Variants in CD163L1 observed in about 807,000 individuals in gnomAD.
CD163L1 encodes the protein CD163 molecule like 1, also known as scavenger receptor cysteine-rich type 1 protein M160.
Under a neutral mutation model 165.4 loss-of-function variants are expected in CD163L1, and 124 were observed. The ratio of observed to expected loss-of-function variants is 0.75; its 90% confidence interval spans 0.65 to 0.87. CD163L1 has a LOEUF of 0.87. Ranked by LOEUF, CD163L1 falls within the 40% of genes least tolerant of loss-of-function variation. The probability of loss-of-function intolerance (pLI) is 0.00; values close to 1 mark genes in which losing one functional copy is unlikely to be tolerated. For missense variants in CD163L1, 1,525 were observed against 1,799.9 expected (o/e 0.85, Z 2.76); for synonymous variants, 585 against 662.2 (o/e 0.88, Z 1.79).
chr12:7,349,306 T>C (rs1946692229), intron 4 of CD163L1, among the ~76,000 whole-genome samples: 1 of 152,210 alleles, frequency 6.6e-6, no homozygotes. Context: ...TCTTTTGAAA[T>C]TACTCACATT....
At chr12:7,407,868 G>A (rs1948061754) in intron 4 of CD163L1, among the ~76,000 whole-genome samples, 1 of 151,294 alleles carries the variant, frequency 6.6e-6, no homozygotes, top group African/African-American at 2.4e-5. Flanking sequence ...CAGGGGTGTG[G>A]TTCCCAGACT....
chr12:7,331,003 A>G, the CD163L1 span, among the ~76,000 whole-genome samples: 5 of 152,222 alleles, frequency 3.3e-5, no homozygotes, highest in Admixed American at 1.3e-4. Flanking sequence ...CTCACCCAGG[A>G]AGCAAAAGGG....
rs1015356608 is a variant in CD163L1 at position 7,398,056 on chromosome 12, A to G, written c.1729+208T>C. Among the ~76,000 whole-genome samples the G allele has an allele frequency of 4.6e-5, 7 of 152,148 alleles. No homozygotes were observed. Among genetic ancestry groups the G allele is most frequent in the African/African-American group, 1.7e-4 (7 of 41,434 alleles). ...TATGGTAGGGGAAGGGATCCAAAGG[A>G]TCATAGTCAGGGTTGTCTACTAATT... On this transcript the variant is annotated intron_variant, in intron 7 of 19. Coordinates refer to ENST00000313599, the MANE Select transcript of CD163L1 (RefSeq NM_174941.6). The surrounding 1 kb of genome is among the most constrained non-coding windows in gnomAD (Gnocchi z 4.5).
chr12:7,368,891 C>T lies in CD163L1; in HGVS notation c.4072+42G>A. On this transcript the variant is annotated intron_variant, in intron 16 of 19. Transcript: ENST00000313599. This position sits in a 1 kb window ranked among gnomAD's most constrained non-coding sequence, Gnocchi z 4.3. ...TGCCCTCCCTTGACCTTCCATGTAG[C>T]CTTAGGTATTTGTGTCAGCACTGAT... 6.2e-7 allele frequency: 1 copy of T among 1,606,670 alleles called. No homozygotes were observed. The highest frequency in any genetic ancestry group is 8.5e-7 in the Non-Finnish European group (1 of 1,173,790).
intron 8 of CD163L1, among the ~76,000 whole-genome samples, chr12:7,388,828 A>G (rs1258749722): frequency 6.6e-6 from 1 of 152,180 alleles, no homozygotes; most frequent in Non-Finnish European, 1.5e-5. Flanking sequence ...AGATTTCTCA[A>G]AAAACTAAAA....
chr12:7,433,162 CT>C (rs1948658204), intron 3 of CD163L1, among the ~76,000 whole-genome samples: 1 of 152,130 alleles, frequency 6.6e-6, no homozygotes, highest in Admixed American at 6.5e-5. Flanking sequence ...CTCTCTCTTT[CT>C]CTCTCCATTT....
At chr12:7,350,264 A>G (rs1201453871), downstream of CD163L1, among the ~76,000 whole-genome samples, 1 of 152,200 alleles carries the variant, frequency 6.6e-6, no homozygotes, top group Non-Finnish European at 1.5e-5. Context: ...GAGATTTCCT[A>G]GACCTAAGAT....
At chr12:7,442,461 TC>T in intron 1 of CD163L1, among the ~76,000 whole-genome samples, 1 of 152,284 alleles carries the variant, frequency 6.6e-6, no homozygotes, top group South Asian at 2.1e-4. Flanking sequence ...TAAGAAGTAA[TC>T]CCAAGTGAGT....
At chr12:7,383,627 C>G (rs1028032840) in intron 8 of CD163L1, among the ~76,000 whole-genome samples, 9 of 152,152 alleles carry the variant, frequency 5.9e-5, no homozygotes, top group Non-Finnish European at 1.3e-4. Flanking sequence ...GTCTGGTGTC[C>G]TTATTCCTAG....
intron 8 of CD163L1, among the ~76,000 whole-genome samples, chr12:7,388,579 C>G (rs1419578052): frequency 6.6e-6 from 1 of 151,888 alleles, no homozygotes; most frequent in Non-Finnish European, 1.5e-5. Context: ...CCCATCTCTA[C>G]AAAAAACTAC....
chr12:7,427,401 G>A (rs1039706944), intron 4 of CD163L1, among the ~76,000 whole-genome samples: 4 of 152,052 alleles, frequency 2.6e-5, no homozygotes, highest in Non-Finnish European at 5.9e-5. Flanking sequence ...AATTAATATT[G>A]TTAAAATGTT....
intron 5 of CD163L1, among the ~76,000 whole-genome samples, chr12:7,404,768 CATA>C (rs1947984929): frequency 6.6e-6 from 1 of 152,134 alleles, no homozygotes; most frequent in Non-Finnish European, 1.5e-5. Flanking sequence ...TAATGTAGGT[CATA>C]ATGATAGTTC....
chr12:7,421,486 TATATACATATATGTAC>T lies in CD163L1; in HGVS notation c.766+10914_766+10929del, dbSNP rs1204280842. On this transcript the variant is annotated intron_variant, in intron 4 of 19. Transcript: ENST00000313599. Reference sequence around the variant, plus strand: ...ATACATATATATACATATATGTACATATATACATATATGTACATATACATATACATATATGTACATA... The same window carrying T: ...ATACATATATATACATATATGTACATATATACATATACATATATGTACATA... 7.8e-3 allele frequency among the ~76,000 whole-genome samples: 821 copies of T among 104,828 alleles called. 39 individuals are homozygous for T. Among genetic ancestry groups the T allele is most frequent in the African/African-American group, 0.026 (467 of 17,878 alleles). The allele number at this position is 104,828 out of a possible 152,430, so 68.8% of individuals were successfully genotyped here. A position where few individuals can be genotyped will look rare whatever the true frequency, so the allele number is the denominator to read the frequency against.
chr12:7,336,674 A>G, the CD163L1 span, among the ~76,000 whole-genome samples: 1 of 152,184 alleles, frequency 6.6e-6, no homozygotes, highest in Non-Finnish European at 1.5e-5. Context: ...TAATTAAAAA[A>G]GAAAAAGAGG....
chr12:7,328,441 T>A, the CD163L1 span: 1 of 1,201,210 alleles, frequency 8.3e-7, no homozygotes, highest in Non-Finnish European at 1.1e-6. Flanking sequence ...TTCCGATAAT[T>A]CAGCGACTAC....
intron 8 of CD163L1, among the ~76,000 whole-genome samples, chr12:7,387,549 G>A (rs1038901794): frequency 6.6e-6 from 1 of 152,070 alleles, no homozygotes; most frequent in African/African-American, 2.4e-5. Context: ...TTTTGATAAT[G>A]AGTGAGTTGT....
chr12:7,407,363 T>G (rs1948046038), intron 4 of CD163L1, among the ~76,000 whole-genome samples: 1 of 152,118 alleles, frequency 6.6e-6, no homozygotes, highest in African/African-American at 2.4e-5. Flanking sequence ...ATTATTCATC[T>G]TACAGGAATT....
downstream of CD163L1, among the ~76,000 whole-genome samples, chr12:7,343,982 G>C (rs1393442513): frequency 6.6e-6 from 1 of 152,116 alleles, no homozygotes; most frequent in East Asian, 1.9e-4. Flanking sequence ...GTACACAGTG[G>C]GTAAACATTC....
chr12:7,400,347 T>C lies in CD163L1; in HGVS notation c.1409-1763A>G, dbSNP rs1228767192. 2.6e-5 allele frequency among the ~76,000 whole-genome samples: 4 copies of C among 152,188 alleles called. No individual in the cohort carries two copies. Among genetic ancestry groups the C allele is most frequent in the East Asian group, 1.9e-4 (1 of 5,202 alleles). ...ACGCATGTATATATAATATGTATCA[T>C]TTCCAGATATACTAAATAAAAATTC... On this transcript the variant is annotated intron_variant, in intron 6 of 19. Coordinates refer to ENST00000313599, the MANE Select transcript of CD163L1 (RefSeq NM_174941.6). This position sits in a 1 kb window ranked among gnomAD's most constrained non-coding sequence, Gnocchi z 4.1.
Sources: gnomAD v4.1 joint callset for allele counts (sites outside exome capture counted in the v4.1 genomes callset) on GRCh38, gnomAD v4.1.1 for gene constraint, Gnocchi (gnomAD v3.1) non-coding constraint, MANE v1.5 for transcripts, NCBI Gene and HGNC (gene_info 2026-07-23, HGNC 2026-07-21) for gene names.